The following SRGAP1 variants were observed in gnomAD, a reference collection of about 807,000 sequenced individuals.
The protein encoded by SRGAP1 is SLIT-ROBO Rho GTPase activating protein 1, also known as SLIT-ROBO Rho GTPase-activating protein 1.
In SRGAP1, 43 loss-of-function variants were observed where a neutral mutation model predicts 121.9. The observed-to-expected ratio is 0.35, with a 90% CI of 0.28 to 0.46. SRGAP1 has a LOEUF of 0.46. Among genes scored for constraint, SRGAP1 ranks in the 20% least tolerant of loss-of-function variants. The pLI is 1.00. For synonymous variants in SRGAP1, 447 were observed against 485.4 expected (o/e 0.92, Z 1.04); for missense variants, 1,102 against 1,350.9 (o/e 0.82, Z 2.89).
chr12:64,000,770 G>T (rs2033867173), intron 3 of SRGAP1, among the ~76,000 whole-genome samples: 1 of 152,222 alleles, frequency 6.6e-6, no homozygotes, highest in Non-Finnish European at 1.5e-5. Context: ...TCTGGCAAAA[G>T]ACTGTATTTG....
At chr12:63,875,507 T>C (rs1206193815) in intron 1 of SRGAP1, among the ~76,000 whole-genome samples, 1 of 152,224 alleles carries the variant, frequency 6.6e-6, no homozygotes, top group Non-Finnish European at 1.5e-5. Context: ...ATGTTTATTG[T>C]CTTATTTTAT....
chr12:63,873,193 G>A (rs1341427591), intron 1 of SRGAP1, among the ~76,000 whole-genome samples: 1 of 152,102 alleles, frequency 6.6e-6, no homozygotes, highest in Non-Finnish European at 1.5e-5. Flanking sequence ...AATATATGAG[G>A]TACACACTGC....
intron 1 of SRGAP1, among the ~76,000 whole-genome samples, chr12:63,928,419 A>G (rs1476694265): frequency 6.6e-6 from 1 of 152,224 alleles, no homozygotes; most frequent in Non-Finnish European, 1.5e-5. Flanking sequence ...ACTGGAAACA[A>G]CTCAAACATT....
intron 14 of SRGAP1, among the ~76,000 whole-genome samples, chr12:64,095,623 A>AG (rs905142537): frequency 1.2e-4 from 18 of 152,070 alleles, no homozygotes; most frequent in African/African-American, 4.1e-4. Flanking sequence ...CTGTGACCCT[A>AG]GGGGGTGCCT....
At chr12:64,049,075 C>A (rs185589343) in intron 6 of SRGAP1, among the ~76,000 whole-genome samples, 1 of 152,276 alleles carries the variant, frequency 6.6e-6, no homozygotes, top group Non-Finnish European at 1.5e-5. Context: ...GAAGTCTTTG[C>A]CCAGACCAAT....
chr12:64,037,472 A>G (rs1200578683), intron 4 of SRGAP1, among the ~76,000 whole-genome samples: 1 of 152,226 alleles, frequency 6.6e-6, no homozygotes, highest in Admixed American at 6.5e-5. Flanking sequence ...TATTACTAAG[A>G]CACTGCTTTG....
intron 1 of SRGAP1, among the ~76,000 whole-genome samples, chr12:63,858,759 C>T (rs968465037): frequency 1.3e-5 from 2 of 152,130 alleles, no homozygotes; most frequent in African/African-American, 4.8e-5. Context: ...GGCTGGAGTG[C>T]AATGGCGCAA....
chr12:64,060,205 CTTTTTTT>C lies in SRGAP1; in HGVS notation c.802-2704_802-2698del, dbSNP rs58447783. Among the ~76,000 whole-genome samples, 5 of 121,446 alleles carry C rather than the reference CTTTTTTT, an allele frequency of 4.1e-5. 1 individual carries two copies. The highest frequency in any genetic ancestry group is 2.7e-4 in the South Asian group (1 of 3,748). The allele number at this position is 121,446 out of a possible 152,430, so 79.7% of individuals were successfully genotyped here. A position where few individuals can be genotyped will look rare whatever the true frequency, so the allele number is the denominator to read the frequency against. On this transcript the variant is annotated intron_variant, in intron 6 of 21. Coordinates refer to ENST00000355086, the MANE Select transcript of SRGAP1 (RefSeq NM_020762.4). ...TCTTCCTTCCTTTCTTTCTTTTTTT[CTTTTTTT>C]TTTTTTTCCTTTGAGACAGGGGTCC...
intron 10 of SRGAP1, among the ~76,000 whole-genome samples, chr12:64,086,454 A>G (rs1365251047): frequency 6.6e-6 from 1 of 152,218 alleles, no homozygotes; most frequent in Admixed American, 6.5e-5. Context: ...GTATCATTTA[A>G]TGTCCTTGTA....
At chr12:63,860,135 A>G (rs183984556) in intron 1 of SRGAP1, among the ~76,000 whole-genome samples, 5 of 152,186 alleles carry the variant, frequency 3.3e-5, no homozygotes, top group Admixed American at 2.0e-4. Context: ...CCTCCTGAGT[A>G]GGTCGCTGGG....
chr12:64,075,205 C>A (rs187147403), intron 8 of SRGAP1, among the ~76,000 whole-genome samples: 2 of 152,136 alleles, frequency 1.3e-5, no homozygotes, highest in African/African-American at 4.8e-5. Context: ...TATAGATATT[C>A]GATTAACTAA....
rs1318799623 is a variant in SRGAP1, at chr12:63,902,021, C to T, written c.67+57138C>T. On this transcript the variant is annotated intron_variant, in intron 1 of 21. Coordinates refer to ENST00000355086, the MANE Select transcript of SRGAP1 (RefSeq NM_020762.4). ...ACTTGCAAAATCAAGACATGTTTTA[C>T]AGAAATTTGGCTGGGGAGTGTGGTG... Among the ~76,000 whole-genome samples the T allele has an allele frequency of 2.0e-5, 3 of 152,158 alleles. No individual in the cohort carries two copies. The East Asian group carries it at 5.8e-4, about 29-fold the overall frequency.
At chr12:64,003,623 G>A (rs908574528) in intron 3 of SRGAP1, among the ~76,000 whole-genome samples, 4 of 151,918 alleles carry the variant, frequency 2.6e-5, no homozygotes, top group Non-Finnish European at 4.4e-5. Flanking sequence ...TATGAAGGTA[G>A]TGTAACAGAT....
At chr12:64,090,085 A>G (rs2036021459) in intron 11 of SRGAP1, among the ~76,000 whole-genome samples, 1 of 152,240 alleles carries the variant, frequency 6.6e-6, no homozygotes, top group Non-Finnish European at 1.5e-5. Flanking sequence ...ACATTAAAAC[A>G]TCCAGAGACA....
chr12:63,957,940 G>A (rs2032525250), intron 1 of SRGAP1, among the ~76,000 whole-genome samples: 2 of 152,154 alleles, frequency 1.3e-5, no homozygotes, highest in African/African-American at 4.8e-5. Flanking sequence ...CTGAGTCTGG[G>A]ACCACGAGGA....
intron 1 of SRGAP1, among the ~76,000 whole-genome samples, chr12:63,896,445 C>T (rs1218362462): frequency 6.6e-6 from 1 of 152,152 alleles, no homozygotes; most frequent in Non-Finnish European, 1.5e-5. Flanking sequence ...CCATGTTACC[C>T]TATCCTCTGC....
Position 63,881,073 on chromosome 12 carries a change from G to A in SRGAP1, c.67+36190G>A, listed in dbSNP as rs143185897. 1.6e-3 allele frequency among the ~76,000 whole-genome samples: 244 copies of A among 152,304 alleles called. 1 individual carries two copies. The highest frequency in any genetic ancestry group is 5.7e-3 in the African/African-American group (237 of 41,560). Reference sequence around the variant, plus strand: ...CGCATAACCCAAGAGAACATGCACAGTATATTTTGCGAAGTCAACTGGAAA... The same window carrying A: ...CGCATAACCCAAGAGAACATGCACAATATATTTTGCGAAGTCAACTGGAAA... On this transcript the variant is annotated intron_variant, in intron 1 of 21. Coordinates refer to ENST00000355086, the MANE Select transcript of SRGAP1 (RefSeq NM_020762.4).
At chr12:63,910,142 A>C (rs1273407301) in intron 1 of SRGAP1, among the ~76,000 whole-genome samples, 1 of 152,256 alleles carries the variant, frequency 6.6e-6, no homozygotes, top group Non-Finnish European at 1.5e-5. Flanking sequence ...CCAGGGGATC[A>C]AATGCAATGC....
chr12:64,073,950 C>G (rs1368641573), intron 8 of SRGAP1, among the ~76,000 whole-genome samples: 1 of 152,044 alleles, frequency 6.6e-6, no homozygotes, highest in Non-Finnish European at 1.5e-5. Context: ...AGGTACATAT[C>G]AGAGCACCTT....
Sources: allele counts gnomAD v4.1 joint callset (sites outside exome capture counted in the v4.1 genomes callset), GRCh38; gene constraint gnomAD v4.1.1; transcripts MANE v1.5; gene names NCBI Gene and HGNC (gene_info 2026-07-23, HGNC 2026-07-21).